Variants in OCA2 observed in about 807,000 individuals in gnomAD.
The protein encoded by OCA2 is OCA2 melanosomal transmembrane protein.
A neutral mutation model predicts 100.2 loss-of-function variants in OCA2; 77 were observed. The ratio of observed to expected loss-of-function variants is 0.77; its 90% confidence interval spans 0.64 to 0.93. The LOEUF (loss-of-function observed/expected upper bound fraction) is 0.93, where lower values mean the gene tolerates loss of function less well. Ranked by LOEUF, OCA2 falls within the 40% of genes least tolerant of loss-of-function variation. The pLI is 0.00. For synonymous variants in OCA2, 432 were observed against 439.2 expected (o/e 0.98, Z 0.21); for missense variants, 1,062 against 1,089.1 (o/e 0.98, Z 0.35).
chr15:27,893,572 G>T (rs746234818), intron 19 of OCA2, among the ~76,000 whole-genome samples: 2 of 152,136 alleles, frequency 1.3e-5, no homozygotes, highest in African/African-American at 2.4e-5. Context: ...CCTGGGAAAG[G>T]AATGCATTCC....
intron 21 of OCA2, among the ~76,000 whole-genome samples, chr15:27,858,021 CAA>C (rs200448681): frequency 1.4e-5 from 2 of 138,830 alleles, no homozygotes; most frequent in African/African-American, 5.3e-5. Flanking sequence ...CAACTAAATA[CAA>C]AAAAAAAAGG....
chr15:27,854,895 G>A (rs1380647568), intron 21 of OCA2, among the ~76,000 whole-genome samples: 4 of 152,108 alleles, frequency 2.6e-5, no homozygotes, highest in Admixed American at 6.5e-5. Context: ...GGTCCTTGTG[G>A]GGGCATTGCA....
chr15:27,947,006 T>C lies in OCA2; in HGVS notation c.1951+4778A>G, dbSNP rs560610414. On this transcript the variant is annotated intron_variant, in intron 18 of 23. Coordinates refer to ENST00000354638, the MANE Select transcript of OCA2 (RefSeq NM_000275.3). ...AGGACCCTGGACAGACAGGCCCTGC[T>C]GGGTTTCCCACTCAGTCTATCAGTA... is the stretch of plus-strand genomic sequence containing the variant. Among the ~76,000 whole-genome samples the C allele has an allele frequency of 1.5e-3, 224 of 152,332 alleles. 1 individual carries two copies. The highest frequency in any genetic ancestry group is 5.0e-3 in the African/African-American group (206 of 41,590).
At chr15:27,993,776 T>A (rs1286361288) in intron 9 of OCA2, among the ~76,000 whole-genome samples, 2 of 151,996 alleles carry the variant, frequency 1.3e-5, no homozygotes, top group African/African-American at 2.4e-5. Flanking sequence ...CTATCCTCAC[T>A]CAGAAACCCA....
intron 18 of OCA2, among the ~76,000 whole-genome samples, chr15:27,942,495 G>A (rs2039683630): frequency 1.3e-5 from 2 of 151,976 alleles, no homozygotes; most frequent in African/African-American, 2.4e-5. Flanking sequence ...CAGGGTCTGG[G>A]GGTTGGGGAA....
chr15:27,792,488 A>T (rs999141748), intron 23 of OCA2, among the ~76,000 whole-genome samples: 6 of 151,994 alleles, frequency 3.9e-5, no homozygotes, highest in African/African-American at 1.2e-4. Context: ...AAAGCTTCTC[A>T]TCTACAGTCT....
Position 28,016,155 on chromosome 15 carries a change from G to A in OCA2, c.839C>T (p.Pro280Leu), listed in dbSNP as rs771222516. 28 of 1,614,126 alleles carry A rather than the reference G, an allele frequency of 1.7e-5. No individual in the cohort carries two copies. The highest frequency in any genetic ancestry group is 1.2e-4 in the Admixed American group (7 of 60,014). The change falls in exon 8 of 24, where the codon CCG (proline) becomes CTG (leucine). Residue 280 changes from proline to leucine, a missense_variant. Physicochemically the swap from Pro to Leu is moderately conservative, Grantham distance 98. Coordinates refer to ENST00000354638, the MANE Select transcript of OCA2 (RefSeq NM_000275.3). The part of the protein sequence containing the change: ...VTHNWTVYLN[P>L]RRSEHSVMSR... ...CATCACTGAGTGCTCGCTTCTCCTCGGATTTAAATACACCGTCCAGTTGTG... is the reference window on the plus strand; with the variant it reads ...CATCACTGAGTGCTCGCTTCTCCTCAGATTTAAATACACCGTCCAGTTGTG...
chr15:28,007,066 G>A (rs2042110472), intron 9 of OCA2, among the ~76,000 whole-genome samples: 2 of 152,206 alleles, frequency 1.3e-5, no homozygotes, highest in South Asian at 2.1e-4. Flanking sequence ...AATGAAACAC[G>A]ATGTTACACA....
At position 28,042,953 on chromosome 15, in the gene OCA2, GAAC is replaced by G. The variant is rs1454755084; in HGVS notation, c.228-10793_228-10791del. ...TTAGGGTTGATGGTAACCTTTGTTCGAACAACTAGTTTCATTACAGAGGGTGCA... is the reference window on the plus strand; with the variant it reads ...TTAGGGTTGATGGTAACCTTTGTTCGAACTAGTTTCATTACAGAGGGTGCA... On this transcript the variant is annotated intron_variant, in intron 2 of 23. Coordinates refer to ENST00000354638, the MANE Select transcript of OCA2 (RefSeq NM_000275.3). 3.3e-4 allele frequency among the ~76,000 whole-genome samples: 50 copies of G among 152,028 alleles called. 1 individual carries two copies. The highest frequency in any genetic ancestry group is 2.9e-5 in the Non-Finnish European group (2 of 68,012).
At chr15:27,851,907 C>T (rs1004612) in intron 21 of OCA2, among the ~76,000 whole-genome samples, 54,236 of 151,954 alleles carry the variant, frequency 0.36, 9,928 homozygotes, top group Middle Eastern at 0.53. Context: ...TGCAGAGAGG[C>T]ACAGGAGCAC....
At chr15:28,077,316 C>T (rs895864662) in intron 2 of OCA2, among the ~76,000 whole-genome samples, 7 of 152,274 alleles carry the variant, frequency 4.6e-5, no homozygotes, top group African/African-American at 1.7e-4. Context: ...GCCTCAGCCT[C>T]CCAAAGTGCT....
chr15:28,098,200 T>G (rs931353770), intron 1 of OCA2, among the ~76,000 whole-genome samples: 3 of 152,242 alleles, frequency 2.0e-5, no homozygotes, highest in African/African-American at 7.2e-5. Context: ...GCACTCAAAT[T>G]GTTGTAAACT....
At chr15:27,941,367 T>C (rs1244994165) in intron 18 of OCA2, among the ~76,000 whole-genome samples, 1 of 152,186 alleles carries the variant, frequency 6.6e-6, no homozygotes, top group Non-Finnish European at 1.5e-5. Flanking sequence ...GTTTAAAAGC[T>C]AATGTGGTAC....
At chr15:27,935,536 C>G (rs990212292) in intron 18 of OCA2, among the ~76,000 whole-genome samples, 1 of 152,224 alleles carries the variant, frequency 6.6e-6, no homozygotes, top group Non-Finnish European at 1.5e-5. Flanking sequence ...CATCTCTCAG[C>G]ACCCCAGCCC....
chr15:27,901,322 C>CCAGAAGA (rs550172325), intron 19 of OCA2, among the ~76,000 whole-genome samples: 38 of 152,372 alleles, frequency 2.5e-4, no homozygotes, highest in African/African-American at 9.1e-4. Context: ...AGCCCTGCTG[C>CCAGAAGA]TGGCAGCTCT....
At chr15:27,878,568 T>A (rs930035504) in intron 19 of OCA2, among the ~76,000 whole-genome samples, 3 of 152,160 alleles carry the variant, frequency 2.0e-5, no homozygotes, top group South Asian at 2.1e-4. Context: ...TGATCAGAAA[T>A]TTGCAGTCAT....
chr15:27,777,582 C>T (rs2032307855), intron 23 of OCA2, among the ~76,000 whole-genome samples: 1 of 152,242 alleles, frequency 6.6e-6, no homozygotes, highest in African/African-American at 2.4e-5. Flanking sequence ...TTTGGCTTGT[C>T]CATGTGCACA....
intron 21 of OCA2, among the ~76,000 whole-genome samples, chr15:27,866,789 G>A (rs1351210776): frequency 6.6e-6 from 1 of 152,242 alleles, no homozygotes; most frequent in African/African-American, 2.4e-5. Flanking sequence ...TCGGAGATCT[G>A]TTTTGTGAGT....
intron 8 of OCA2, among the ~76,000 whole-genome samples, chr15:28,015,235 A>G (rs1414775261): frequency 6.6e-6 from 1 of 152,080 alleles, no homozygotes; most frequent in African/African-American, 2.4e-5. Context: ...CCTCCCCAAC[A>G]TACCCGACCA....
Sources: gnomAD v4.1 joint callset for allele counts (sites outside exome capture counted in the v4.1 genomes callset) on GRCh38, gnomAD v4.1.1 for gene constraint, MANE v1.5 for transcripts, NCBI Gene and HGNC (gene_info 2026-07-23, HGNC 2026-07-21) for gene names.